PIK3IP1: variants seen among roughly 807,000 people sequenced by gnomAD.
PIK3IP1 encodes phosphoinositide-3-kinase interacting protein 1, also known as phosphoinositide-3-kinase-interacting protein 1.
A neutral mutation model predicts 30.7 loss-of-function variants in PIK3IP1; 28 were observed. The ratio of observed to expected loss-of-function variants is 0.91; its 90% CI spans 0.68 to 1.25. PIK3IP1 has a LOEUF of 1.25. PIK3IP1 is among the 50% of genes most tolerant of loss of function. The pLI, the probability that PIK3IP1 is intolerant of heterozygous loss-of-function variation, is 0.00. For missense variants in PIK3IP1, 333 were observed against 346.2 expected (o/e 0.96, Z 0.30); for synonymous variants, 159 against 140.8 (o/e 1.13, Z -0.91).
chr22:31,283,018 C>T lies in PIK3IP1; in HGVS notation c.*66G>A, dbSNP rs1277917202. On this transcript the variant is annotated 3_prime_UTR_variant, in exon 6 of 6. Transcript: ENST00000215912. The stretch of plus-strand genomic sequence containing the variant: ...ACCAGAACACAAAGTGGTAGTTCCT[C>T]CTAGCTGTAGGAGGGTGGGCTGTCC... 1 of 1,306,050 alleles carries T rather than the reference C, an allele frequency of 7.7e-7. No individual in the cohort carries two copies. The highest frequency in any genetic ancestry group is 1.1e-6 in the Non-Finnish European group (1 of 941,786). 80.9% of individuals were successfully genotyped at this position (1,306,050 alleles called of 1,614,324 possible).
rs2049100467 is a variant in PIK3IP1 at position 31,282,937 on chromosome 22, G to A, written c.*147C>T. 1.5e-6 allele frequency: 1 copy of A among 648,086 alleles called. No homozygotes were observed. Among genetic ancestry groups the A allele is most frequent in the Non-Finnish European group, 2.6e-6 (1 of 377,790 alleles). 40.1% of individuals were successfully genotyped at this position (648,086 alleles called of 1,614,324 possible). On this transcript the variant is annotated 3_prime_UTR_variant, in exon 6 of 6. Transcript: ENST00000215912. ...TTACCCTCAGCCCACAGGGCCACCT[G>A]CTTCTGTCACTCTTACTAGGATTCG...
Position 31,292,349 on chromosome 22 carries a change from G to T in PIK3IP1, c.-5C>A, listed in dbSNP as rs757478863. 1.4e-5 allele frequency: 23 copies of T among 1,614,024 alleles called. No homozygotes were observed. The highest frequency in any genetic ancestry group is 1.9e-5 in the Non-Finnish European group (22 of 1,179,910). Reference sequence around the variant, plus strand: ...TTGTACCCAGGCCAACAGCATCCTTGCCTCCTTCGTCTTGCAGGTGATTGA... The same window carrying T: ...TTGTACCCAGGCCAACAGCATCCTTTCCTCCTTCGTCTTGCAGGTGATTGA... On this transcript the variant is annotated 5_prime_UTR_variant, in exon 1 of 6. Transcript: ENST00000215912.
In PIK3IP1 at chr22:31,283,022, G is replaced by A; in HGVS notation, c.*62C>T. 7.7e-7 allele frequency: 1 copy of A among 1,302,814 alleles called. No homozygotes were observed. Among genetic ancestry groups the A allele is most frequent in the African/African-American group, 1.5e-5 (1 of 67,200 alleles). The allele number at this position is 1,302,814 out of a possible 1,614,324, so 80.7% of individuals were successfully genotyped here. On this transcript the variant is annotated 3_prime_UTR_variant, in exon 6 of 6. Transcript: ENST00000215912. ...GAACACAAAGTGGTAGTTCCTCCTAGCTGTAGGAGGGTGGGCTGTCCTGCA... is the reference window on the plus strand; with the variant it reads ...GAACACAAAGTGGTAGTTCCTCCTAACTGTAGGAGGGTGGGCTGTCCTGCA...
intron 3 of PIK3IP1, 94 bp downstream of exon 3, chr22:31,290,871 G>A: frequency 7.0e-7 from 1 of 1,429,154 alleles, no homozygotes; most frequent in East Asian, 2.8e-5. Context: ...GAGCGGGGCC[G>A]GCCGGCATCG....
intron 1 of PIK3IP1, 48 bp downstream of exon 1, chr22:31,292,227 C>G (rs1416658079): frequency 1.3e-6 from 2 of 1,572,948 alleles, no homozygotes; most frequent in Non-Finnish European, 1.8e-6. Flanking sequence ...GGGCTTTACC[C>G]CTTCTGTTTC....
At chr22:31,283,574 ATAAAG>A (rs957727956) in intron 5 of PIK3IP1, among the ~76,000 whole-genome samples, 9 of 152,230 alleles carry the variant, frequency 5.9e-5, no homozygotes, top group East Asian at 3.9e-4. Context: ...CTCAATGAAA[ATAAAG>A]TAAAGGACAG....
rs762879663 is a variant in PIK3IP1 at position 31,292,279 on chromosome 22, A to G, written c.66T>C (p.Ser22=). ...SNMLLAEAYG[S]GGCFWDNGHL... ...AAGGAAAGATTGTAATCTCACCTCC[A>G]GATCCATAGGCTTCTGCTAGGAGCA... is the stretch of plus-strand genomic sequence containing the variant. The change falls in exon 1 of 6, where the codon TCT becomes TCC. Residue 22 remains serine (S), a synonymous_variant. Transcript: ENST00000215912. 1.2e-6 allele frequency: 2 copies of G among 1,614,102 alleles called. No individual in the cohort carries two copies. The highest frequency in any genetic ancestry group is 1.7e-6 in the Non-Finnish European group (2 of 1,179,948).
chr22:31,287,241 AC>A (rs979832603), intron 5 of PIK3IP1, among the ~76,000 whole-genome samples: 2 of 147,278 alleles, frequency 1.4e-5, no homozygotes, highest in African/African-American at 5.1e-5. Flanking sequence ...CTGGTCTCGA[AC>A]TCTTGGGCTC....
rs772063519 is a variant in PIK3IP1 at position 31,282,074 on chromosome 22, C to T, written c.*1010G>A. 6 of 152,238 alleles carry T rather than the reference C, an allele frequency of 3.9e-5. No individual in the cohort carries two copies. Among genetic ancestry groups the T allele is most frequent in the Non-Finnish European group, 7.3e-5 (5 of 68,056 alleles). 9.4% of individuals were successfully genotyped at this position (152,238 alleles called of 1,614,324 possible). ...GCCCTTTCTAATGGTTCTTTGATTG[C>T]TTTATGAGTTAGGGGCTGTGACCCT... On this transcript the variant is annotated 3_prime_UTR_variant, in exon 6 of 6. Transcript: ENST00000215912.
chr22:31,286,824 A>T (rs1482781253), intron 5 of PIK3IP1, among the ~76,000 whole-genome samples: 2 of 152,180 alleles, frequency 1.3e-5, no homozygotes, highest in Non-Finnish European at 2.9e-5. Context: ...ATGAATTGTA[A>T]GGCCAGGGCC....
Position 31,292,377 on chromosome 22 carries a change from G to A in PIK3IP1, c.-33C>T, listed in dbSNP as rs775275326. The A allele has an allele frequency of 5.0e-6, 8 of 1,609,004 alleles. No individual in the cohort carries two copies. In the South Asian group the frequency reaches 7.7e-5, roughly 15 times the overall value. On this transcript the variant is annotated 5_prime_UTR_variant, in exon 1 of 6. Coordinates refer to ENST00000215912, the MANE Select transcript of PIK3IP1 (RefSeq NM_052880.5). ...TCCTTCGTCTTGCAGGTGATTGAAC[G>A]ACCAGTGTTTAACCGAGGCCCCCTT...
chr22:31,290,708 G>A (rs1019685590), intron 3 of PIK3IP1: 14 of 464,448 alleles, frequency 3.0e-5, no homozygotes, highest in Non-Finnish European at 4.8e-5. Flanking sequence ...CAGGACGCGC[G>A]GCGGAGAGAC....
At chr22:31,283,411 G>C in intron 5 of PIK3IP1, 123 bp from the exon 6 acceptor site, 8 of 1,028,654 alleles carry the variant, frequency 7.8e-6, no homozygotes, top group Middle Eastern at 4.3e-4. Context: ...ATCAGTGGCT[G>C]AGCCAGGACC....
At chr22:31,289,012 G>C (rs2049152078) in intron 5 of PIK3IP1, 1 of 514,346 alleles carries the variant, frequency 1.9e-6, no homozygotes, top group African/African-American at 1.9e-5. Flanking sequence ...TATCAAAAGA[G>C]CTGGGTCTGA....
intron 5 of PIK3IP1, among the ~76,000 whole-genome samples, chr22:31,283,608 T>TA (rs1361364541): frequency 1.3e-5 from 2 of 151,742 alleles, no homozygotes; most frequent in African/African-American, 4.8e-5. Context: ...TTTTTTTTTT[T>TA]ATGGTTGAGA....
intron 3 of PIK3IP1, chr22:31,289,905 A>C (rs2049160730): frequency 1.9e-6 from 1 of 525,028 alleles, no homozygotes. Flanking sequence ...TGAGAGAGGA[A>C]GGCCGTAGGG....
At chr22:31,284,692 G>T (rs184994907) in intron 5 of PIK3IP1, among the ~76,000 whole-genome samples, 10 of 152,194 alleles carry the variant, frequency 6.6e-5, no homozygotes, top group African/African-American at 1.9e-4. Flanking sequence ...TCTCCTAAGG[G>T]AGTGGAGTGG....
rs147242307 is a variant in PIK3IP1, at chr22:31,292,331, C to A, written c.14G>T (p.Trp5Leu). Residue 5 changes from tryptophan to leucine, a missense_variant, in exon 1 of 6, where the codon TGG (tryptophan) becomes TTG (leucine). Trp to Leu is a moderately conservative substitution (Grantham distance 61, BLOSUM62 -2). Coordinates refer to ENST00000215912, the MANE Select transcript of PIK3IP1 (RefSeq NM_052880.5). MLLA[W>L]VQAFLVSNML... ...GTTGCTGACGAGGAATGCTTGTACCCAGGCCAACAGCATCCTTGCCTCCTT... is the reference window on the plus strand; with the variant it reads ...GTTGCTGACGAGGAATGCTTGTACCAAGGCCAACAGCATCCTTGCCTCCTT... 25 of 1,614,050 alleles carry A rather than the reference C, an allele frequency of 1.5e-5. No individual in the cohort carries two copies. In the African/African-American group the frequency reaches 2.7e-4, roughly 17 times the overall value.
intron 5 of PIK3IP1, among the ~76,000 whole-genome samples, chr22:31,287,363 C>A (rs2049140131): frequency 7.8e-6 from 1 of 128,790 alleles, no homozygotes; most frequent in Non-Finnish European, 1.6e-5. Flanking sequence ...CGGAGTATGG[C>A]TCTGTCGCCC....
Sources: allele counts gnomAD v4.1 joint callset (sites outside exome capture counted in the v4.1 genomes callset), GRCh38; gene constraint gnomAD v4.1.1; transcripts MANE v1.5; gene names NCBI Gene and HGNC (gene_info 2026-07-23, HGNC 2026-07-21).